Variants in FASN observed in about 807,000 individuals in gnomAD.
FASN encodes the protein fatty acid synthase, also known as 3-hydroxyacyl-[acyl-carrier-protein] dehydratase.
In FASN, 50 loss-of-function variants were observed where a neutral mutation model predicts 250.0. The ratio of observed to expected loss-of-function variants is 0.20; its 90% CI spans 0.16 to 0.25. The LOEUF (loss-of-function observed/expected upper bound fraction) is 0.25. Ranked by LOEUF, FASN falls within the 10% of genes least tolerant of loss-of-function variation. FASN has a pLI of 1.00. For synonymous variants in FASN, 1,909 were observed against 1,584.0 expected (o/e 1.21, Z -4.87); for missense variants, 3,031 against 3,498.5 (o/e 0.87, Z 3.37).
At chr17:82,079,768 C>T in intron 41 of FASN, 160 bp from the exon 42 acceptor site, 4 of 1,039,990 alleles carry the variant, frequency 3.8e-6, no homozygotes, top group Non-Finnish European at 5.4e-6. Context: ...CCTCCACCTA[C>T]CCGGTTCAAG....
At chr17:82,082,791 A>G (rs2034014260) in intron 33 of FASN, 113 bp from the exon 34 acceptor site, 10 of 1,543,278 alleles carry the variant, frequency 6.5e-6, no homozygotes, top group Non-Finnish European at 8.8e-6. Flanking sequence ...AGCCCCCCAC[A>G]AGATGGAGGG....
At chr17:82,095,249 A>G (rs2034284209) in intron 3 of FASN, 71 bp downstream of exon 3, 2 of 1,548,258 alleles carry the variant, frequency 1.3e-6, no homozygotes, top group Non-Finnish European at 1.8e-6. Flanking sequence ...AGAACCAAGA[A>G]GAGAAAACAC....
chr17:82,088,302 T>C lies in FASN; in HGVS notation c.2599A>G (p.Ser867Gly), dbSNP rs1411951907. ...AGGTAGTGGTCAGGAGACTCGGAGC[T>C]GGTGTCTGCGGGAGGGCACAGGCCT... ...PSAAIYNIDT[S>G]SESPDHYLVD... The change falls in exon 17 of 43, where the codon AGC (serine) becomes GGC (glycine). Residue 867 changes from serine (S) to glycine (G), a missense_variant. Ser to Gly is a moderately conservative substitution (Grantham distance 56). Coordinates refer to ENST00000306749, the MANE Select transcript of FASN (RefSeq NM_004104.5). The C allele has an allele frequency of 2.5e-6, 4 of 1,606,916 alleles. No homozygotes were observed. In the African/African-American group the frequency reaches 5.3e-5, roughly 21 times the overall value.
intron 1 of FASN, 47 bp from the exon 2 acceptor site, chr17:82,096,499 C>T: frequency 6.2e-7 from 1 of 1,603,202 alleles, no homozygotes; most frequent in South Asian, 1.1e-5. Context: ...GGCCACGACA[C>T]CCCCGTCAAC....
chr17:82,091,328 G>A lies in FASN; in HGVS notation c.1386C>T (p.Ala462=). The A allele has an allele frequency of 6.2e-7, 1 of 1,610,048 alleles. No homozygotes were observed. Among genetic ancestry groups the A allele is most frequent in the Non-Finnish European group, 8.5e-7 (1 of 1,178,814 alleles). The part of the protein sequence containing the change: ...SMLNDIAAVP[A]TAMPFRGYAV... ...CGTAGCCACGGAAGGGCATGGCGGT[G>A]GCGGGGACAGCCGCGATGTCGTTCA... Residue 462 remains alanine, a synonymous_variant, in exon 9 of 43, where the codon GCC becomes GCT. Transcript: ENST00000306749.
chr17:82,093,093 G>C (rs1281917927), intron 5 of FASN, 74 bp from the exon 6 acceptor site: 1 of 1,593,252 alleles, frequency 6.3e-7, no homozygotes, highest in African/African-American at 1.3e-5. Flanking sequence ...GAGCTCTGGG[G>C]TGTGGGGTGG....
At chr17:82,079,672 A>G in intron 41 of FASN, 64 bp from the exon 42 acceptor site, 5 of 1,536,068 alleles carry the variant, frequency 3.3e-6, no homozygotes, top group South Asian at 2.4e-5. Context: ...CCTGTGCTAC[A>G]CTGCGGGTGG....
In FASN at chr17:82,083,057, G is replaced by C; in HGVS notation, c.5624C>G (p.Ala1875Gly). Residue 1875 changes from alanine to glycine, a missense_variant, in exon 33 of 43, where the codon GCC (alanine) becomes GGC (glycine). Coordinates refer to ENST00000306749, the MANE Select transcript of FASN (RefSeq NM_004104.5). The stretch of plus-strand genomic sequence containing the variant: ...GGCCGGGCAGAAGGTCTTGGAGATG[G>C]CCGACATCAGCTTGGGTTTGGCCCC... ...LKGAKPKLMS[A>G]ISKTFCPAHK... The C allele has an allele frequency of 5.6e-6, 9 of 1,611,924 alleles. No homozygotes were observed. The highest frequency in any genetic ancestry group is 7.6e-6 in the Non-Finnish European group (9 of 1,179,966).
chr17:82,085,312 G>T lies in FASN; in HGVS notation c.4213C>A (p.Arg1405=), dbSNP rs747027147. The T allele has an allele frequency of 6.2e-7, 1 of 1,611,156 alleles. No homozygotes were observed. The highest frequency in any genetic ancestry group is 1.1e-5 in the South Asian group (1 of 90,968). Reference sequence around the variant, plus strand: ...ATGGGGCTGTCCTGCGGGGTGGGCCGGCGGCACAGGAAGAGCGTGGAGCCG... The same window carrying T: ...ATGGGGCTGTCCTGCGGGGTGGGCCTGCGGCACAGGAAGAGCGTGGAGCCG... ...FYGSTLFLCR[R]PTPQDSPIFL... Residue 1405 remains arginine, a synonymous_variant, in exon 24 of 43, where the codon CGG becomes AGG. Coordinates refer to ENST00000306749, the MANE Select transcript of FASN (RefSeq NM_004104.5).
chr17:82,080,205 C>A lies in FASN; in HGVS notation c.7081G>T (p.Ala2361Ser). Residue 2361 changes from alanine (A) to serine (S), a missense_variant, in exon 41 of 43, where the codon GCT becomes TCT. Ala to Ser is a moderately conservative substitution (Grantham distance 99, BLOSUM62 1). Transcript: ENST00000306749. Reference sequence around the variant, plus strand: ...CATATGGCCTCCGTCTCAGCCTCAGCCTCACAGCCTGGGGTCAGCTTTGCC... The same window carrying A: ...CATATGGCCTCCGTCTCAGCCTCAGACTCACAGCCTGGGGTCAGCTTTGCC... ...YRAKLTPGCEAEAETEAICFF... is the reference protein window; with the variant it reads ...YRAKLTPGCESEAETEAICFF... 6.2e-7 allele frequency: 1 copy of A among 1,613,196 alleles called. No homozygotes were observed. Among genetic ancestry groups the A allele is most frequent in the Non-Finnish European group, 8.5e-7 (1 of 1,180,014 alleles).
At chr17:82,086,998 G>A (rs1598578198) in intron 21 of FASN, 52 bp downstream of exon 21, 8 of 1,593,346 alleles carry the variant, frequency 5.0e-6, no homozygotes, top group East Asian at 2.3e-5. Context: ...GAGGGGAGGC[G>A]ATCGCTCCTC....
intron 2 of FASN, among the ~76,000 whole-genome samples, chr17:82,095,782 A>G (rs1206436592): frequency 1.3e-5 from 2 of 152,156 alleles, no homozygotes; most frequent in Non-Finnish European, 2.9e-5. Flanking sequence ...CGGCTCTACC[A>G]TGCTGACTCA....
Position 82,084,344 on chromosome 17 carries a change from G to T in FASN, c.4809C>A (p.Phe1603Leu), listed in dbSNP as rs2144787631. 1.2e-6 allele frequency: 2 copies of T among 1,609,246 alleles called. No homozygotes were observed. The highest frequency in any genetic ancestry group is 1.7e-6 in the Non-Finnish European group (2 of 1,178,442). ...GCTTGCCGCTGGCGTCTCGGCCCGA[G>T]AACTCCATACCTAGCAGGCTGTCCT... ...TSQDSLLGME[F>L]SGRDASGKRV... is the part of the protein sequence containing the mutation. Residue 1603 changes from phenylalanine to leucine, a missense_variant, in exon 28 of 43, where the codon TTC becomes TTA. Phe to Leu is a conservative substitution (Grantham distance 22, BLOSUM62 0). Coordinates refer to ENST00000306749, the MANE Select transcript of FASN (RefSeq NM_004104.5).
In FASN at chr17:82,089,083, G is replaced by T; in HGVS notation, c.2190C>A (p.Ser730=). The T allele has an allele frequency of 6.3e-7, 1 of 1,579,184 alleles. No individual in the cohort carries two copies. Among genetic ancestry groups the T allele is most frequent in the East Asian group, 2.4e-5 (1 of 42,284 alleles). ...AQWHSSLART[S]SAEYNVNNLV... is the part of the protein sequence containing the mutation. ...GGTTGTTGACATTGTACTCGGCGGA[G>T]GACGTGCGTGCCAGGCTGCTGTGCC... The change falls in exon 14 of 43, where the codon TCC becomes TCA. Residue 730 remains serine, a synonymous_variant. Coordinates refer to ENST00000306749, the MANE Select transcript of FASN (RefSeq NM_004104.5).
Position 82,083,843 on chromosome 17 carries a change from T to C in FASN, c.5147A>G (p.Asp1716Gly), listed in dbSNP as rs991448367. The C allele has an allele frequency of 2.5e-6, 4 of 1,599,180 alleles. No homozygotes were observed. In the African/African-American group the frequency reaches 4.0e-5, roughly 16 times the overall value. The change falls in exon 30 of 43, where the codon GAC becomes GGC. Residue 1716 changes from aspartate to glycine, a missense_variant. Physicochemically the swap from Asp to Gly is moderately conservative, Grantham distance 94. Coordinates refer to ENST00000306749, the MANE Select transcript of FASN (RefSeq NM_004104.5). Reference sequence around the variant, plus strand: ...CCGGGAGTTGGCGAAGCTGGTGCTGTCGAGCTGGGGGAACCTGGCCTGGAG... The same window carrying C: ...CCGGGAGTTGGCGAAGCTGGTGCTGCCGAGCTGGGGGAACCTGGCCTGGAG... ...AYLQARFPQLDSTSFANSRDT... is the reference protein window; with the variant it reads ...AYLQARFPQLGSTSFANSRDT...
chr17:82,098,060 G>A (rs986237910), intron 1 of FASN, 61 bp downstream of exon 1: 55 of 324,814 alleles, frequency 1.7e-4, no homozygotes, highest in African/African-American at 1.2e-3. Context: ...GCCACCCCGG[G>A]AACCCCGGGC....
At position 82,095,405 on chromosome 17, in the gene FASN, G is replaced by A. The variant is rs766992049; in HGVS notation, c.195C>T (p.Phe65=). Residue 65 remains phenylalanine, a synonymous_variant, in exon 3 of 43, where the codon TTC becomes TTT. Transcript: ENST00000306749. ...TGTGTGCCTGCTTGGGGTGGACTCC[G>A]AAGAAGGAGGCATCAAACCTAGACA... is the stretch of plus-strand genomic sequence containing the variant. ...KDLSRFDASF[F]GVHPKQAHTM... The A allele has an allele frequency of 7.4e-6, 12 of 1,612,854 alleles. No individual in the cohort carries two copies. The highest frequency in any genetic ancestry group is 4.4e-5 in the South Asian group (4 of 91,092).
Position 82,082,658 on chromosome 17 carries a change from G to T in FASN, c.5788C>A (p.Arg1930Ser). ...TGTACGCCCTGGCGCCTCCACCGGC[G>T]GACCTGCTTGGCCTGGTAGCCTGCG... ...IRTGYQAKQV[R>S]RWRRQGVQVQ... Residue 1930 changes from arginine to serine, a missense_variant, in exon 34 of 43, where the codon CGC becomes AGC. By Grantham distance (110) the Arg-to-Ser change is moderately radical. Coordinates refer to ENST00000306749, the MANE Select transcript of FASN (RefSeq NM_004104.5). 2 of 1,609,790 alleles carry T rather than the reference G, an allele frequency of 1.2e-6. No individual in the cohort carries two copies. The highest frequency in any genetic ancestry group is 1.3e-5 in the African/African-American group (1 of 75,040).
At position 82,088,516 on chromosome 17, in the gene FASN, C is replaced by T. The variant is rs775346222; in HGVS notation, c.2467G>A (p.Ala823Thr). 2 of 1,608,030 alleles carry T rather than the reference C, an allele frequency of 1.2e-6. No homozygotes were observed. Residue 823 changes from alanine to threonine, a missense_variant, in exon 16 of 43, where the codon GCT becomes ACT. Coordinates refer to ENST00000306749, the MANE Select transcript of FASN (RefSeq NM_004104.5). ...NALFPPVEFP[A>T]PRGTPLISPL... The stretch of plus-strand genomic sequence containing the variant: ...GAGATGAGGGGAGTTCCTCGGGGAG[C>T]TGGGAACTCCACAGGTGGGAACAAG...
Sources: gnomAD v4.1 joint callset for allele counts (sites outside exome capture counted in the v4.1 genomes callset) on GRCh38, gnomAD v4.1.1 for gene constraint, MANE v1.5 for transcripts, NCBI Gene and HGNC (gene_info 2026-07-23, HGNC 2026-07-21) for gene names.